Variants in SLC35D4 observed in about 807,000 individuals in gnomAD.
SLC35D4 encodes the protein solute carrier family 35 member D4, also known as UDP-N-acetylglucosamine transporter SLC35D4.
At chr18:23,340,733 A>C in the SLC35D4 span, among the ~76,000 whole-genome samples, 1 of 152,192 alleles carries the variant, frequency 6.6e-6, no homozygotes, top group Non-Finnish European at 1.5e-5. Flanking sequence ...TCAGCTTTAA[A>C]GGAAGAAAGT....
At chr18:23,393,269 T>C in the SLC35D4 span, among the ~76,000 whole-genome samples, 1 of 152,018 alleles carries the variant, frequency 6.6e-6, no homozygotes, top group Non-Finnish European at 1.5e-5. Flanking sequence ...AGTTGCCACC[T>C]TAACCATTTT....
At chr18:23,339,901 C>G in the SLC35D4 span, among the ~76,000 whole-genome samples, 2 of 152,324 alleles carry the variant, frequency 1.3e-5, no homozygotes, top group African/African-American at 4.8e-5. Flanking sequence ...ACTACCATCA[C>G]CTTGGGGCTT....
the SLC35D4 span, among the ~76,000 whole-genome samples, chr18:23,391,315 A>G: frequency 6.6e-5 from 10 of 152,092 alleles, no homozygotes; most frequent in Non-Finnish European, 1.2e-4. Flanking sequence ...AAATAACCAG[A>G]GACGCATGGA....
chr18:23,399,755 T>C, the SLC35D4 span: 2 of 1,032,066 alleles, frequency 1.9e-6, no homozygotes, highest in Non-Finnish European at 2.9e-6. Context: ...ACAGAGGCTG[T>C]CTAAAAATCC....
At chr18:23,275,628 T>TGCC in the SLC35D4 span, among the ~76,000 whole-genome samples, 3 of 139,988 alleles carry the variant, frequency 2.1e-5, no homozygotes, top group African/African-American at 8.6e-5. Context: ...TGTGCTGTGC[T>TGCC]GTGCTGTGCT....
the SLC35D4 span, among the ~76,000 whole-genome samples, chr18:23,268,619 A>C: frequency 6.6e-6 from 1 of 152,208 alleles, no homozygotes; most frequent in South Asian, 2.1e-4. Flanking sequence ...TGCTGCTCCT[A>C]GCAGGGCTTC....
the SLC35D4 span, among the ~76,000 whole-genome samples, chr18:23,283,949 G>A: frequency 0.54 from 82,037 of 151,624 alleles, 23,043 homozygotes; most frequent in African/African-American, 0.7. Context: ...GAGTCTTTCA[G>A]GAAAGAGATG....
the SLC35D4 span, among the ~76,000 whole-genome samples, chr18:23,427,669 G>C: frequency 6.6e-6 from 1 of 152,152 alleles, no homozygotes; most frequent in Non-Finnish European, 1.5e-5. Context: ...CCATTACTGG[G>C]TATATACCCA....
chr18:23,382,752 C>T, the SLC35D4 span, among the ~76,000 whole-genome samples: 1 of 152,236 alleles, frequency 6.6e-6, no homozygotes, highest in African/African-American at 2.4e-5. Context: ...GCACAGAGAT[C>T]AGCCCAAGTG....
chr18:23,266,005 G>A, the SLC35D4 span, among the ~76,000 whole-genome samples: 1 of 152,130 alleles, frequency 6.6e-6, no homozygotes, highest in Non-Finnish European at 1.5e-5. Flanking sequence ...AGACACAAAT[G>A]AGAATTGCTT....
chr18:23,324,581 G>A, the SLC35D4 span, among the ~76,000 whole-genome samples: 2 of 152,264 alleles, frequency 1.3e-5, no homozygotes, highest in Middle Eastern at 3.4e-3. Flanking sequence ...ATCTGCCCTC[G>A]CAACACCCCA....
the SLC35D4 span, among the ~76,000 whole-genome samples, chr18:23,328,171 C>A: frequency 6.6e-6 from 1 of 152,192 alleles, no homozygotes; most frequent in Non-Finnish European, 1.5e-5. Flanking sequence ...TCTCACCACT[C>A]CTGTTCAACA....
the SLC35D4 span, among the ~76,000 whole-genome samples, chr18:23,390,064 G>A: frequency 6.6e-6 from 1 of 152,192 alleles, no homozygotes; most frequent in African/African-American, 2.4e-5. Context: ...GATATCTTGA[G>A]TGCTTACTAC....
the SLC35D4 span, among the ~76,000 whole-genome samples, chr18:23,380,807 AGT>A: frequency 9.9e-3 from 1,491 of 150,820 alleles, 20 homozygotes; most frequent in African/African-American, 0.035. Flanking sequence ...TGTGTGCATG[AGT>A]GTGTGTGTGT....
At chr18:23,389,553 C>CT in the SLC35D4 span, among the ~76,000 whole-genome samples, 73 of 148,734 alleles carry the variant, frequency 4.9e-4, no homozygotes, top group Non-Finnish European at 8.2e-4. Flanking sequence ...CAGTTTGCAC[C>CT]TTTTTTTTTT....
chr18:23,313,722 C>G, the SLC35D4 span, among the ~76,000 whole-genome samples: 1 of 152,142 alleles, frequency 6.6e-6, no homozygotes, highest in Non-Finnish European at 1.5e-5. Context: ...AGCACAGGGC[C>G]CCCAGGTATT....
At chr18:23,346,237 G>A in the SLC35D4 span, among the ~76,000 whole-genome samples, 8 of 152,164 alleles carry the variant, frequency 5.3e-5, no homozygotes, top group Admixed American at 2.6e-4. Context: ...GAGCTCTGGC[G>A]ATCCTCCTGC....
At chr18:23,283,083 G>C in the SLC35D4 span, among the ~76,000 whole-genome samples, 1 of 152,150 alleles carries the variant, frequency 6.6e-6, no homozygotes, top group Non-Finnish European at 1.5e-5. Context: ...TTAAAACAGA[G>C]ATTGTAATGT....
At chr18:23,371,534 G>T in the SLC35D4 span, 1 of 1,370,818 alleles carries the variant, frequency 7.3e-7, no homozygotes, top group Non-Finnish European at 1.0e-6. Context: ...AATCCAGTGT[G>T]GCCATCAGAA....
Sources: allele counts gnomAD v4.1 joint callset (sites outside exome capture counted in the v4.1 genomes callset), GRCh38; gene constraint gnomAD v4.1.1; transcripts MANE v1.5; gene names NCBI Gene and HGNC (gene_info 2026-07-23, HGNC 2026-07-21).